ATP6V1A: variants seen among roughly 807,000 people sequenced by gnomAD.
ATP6V1A encodes the protein V-type proton ATPase catalytic subunit A.
Under a neutral mutation model 70.1 loss-of-function variants are expected in ATP6V1A, and 18 were observed. That is an observed-to-expected ratio of 0.26 (90% confidence interval 0.18 to 0.38). The LOEUF (loss-of-function observed/expected upper bound fraction) is 0.38. Among genes scored for constraint, ATP6V1A ranks in the 10% least tolerant of loss-of-function variants. The pLI is 1.00. For synonymous variants in ATP6V1A, 232 were observed against 253.8 expected (o/e 0.91, Z 0.82); for missense variants, 424 against 772.4 (o/e 0.55, Z 5.35).
At chr3:113,801,294 TAAG>T (rs1235282997) in intron 12 of ATP6V1A, 2 of 152,154 alleles carry the variant, frequency 1.3e-5, no homozygotes, top group East Asian at 3.9e-4. Context: ...TGTAAGTTAA[TAAG>T]AAGACTCGAA....
rs185433786 is a variant in ATP6V1A at position 113,798,536 on chromosome 3, G to A, written c.1494+90G>A. 13 of 1,092,274 alleles carry A rather than the reference G, an allele frequency of 1.2e-5. No homozygotes were observed. The East Asian group carries it at 3.4e-4, about 28-fold the overall frequency. The allele number at this position is 1,092,274 out of a possible 1,614,324, so 67.7% of individuals were successfully genotyped here. ...AGAGCCTTGGATATTACAGATTCTTGCCTAGCAAAATAAATATTTATTAAA... is the reference window on the plus strand; with the variant it reads ...AGAGCCTTGGATATTACAGATTCTTACCTAGCAAAATAAATATTTATTAAA... On this transcript the variant is annotated intron_variant, in intron 12 of 14. Transcript: ENST00000273398.
intron 8 of ATP6V1A, among the ~76,000 whole-genome samples, chr3:113,792,140 A>G (rs1709101511): frequency 6.6e-6 from 1 of 152,176 alleles, no homozygotes; most frequent in African/African-American, 2.4e-5. Flanking sequence ...TTCATCTACC[A>G]TTTTAAGAAA....
intron 8 of ATP6V1A, among the ~76,000 whole-genome samples, chr3:113,790,302 C>CAAAA (rs773821991): frequency 4.1e-5 from 1 of 24,506 alleles, no homozygotes; most frequent in East Asian, 1.6e-3. Context: ...GACTCTGTCT[C>CAAAA]AAAAAAAAAA....
chr3:113,756,157 A>G (rs750661101), intron 1 of ATP6V1A, among the ~76,000 whole-genome samples: 1 of 152,210 alleles, frequency 6.6e-6, no homozygotes, highest in Non-Finnish European at 1.5e-5. Flanking sequence ...CACACAGTTT[A>G]TAAGTGGTAG....
intron 1 of ATP6V1A, among the ~76,000 whole-genome samples, chr3:113,768,263 G>T (rs1230167565): frequency 6.6e-6 from 1 of 152,106 alleles, no homozygotes; most frequent in African/African-American, 2.4e-5. Flanking sequence ...TTTCATTGTA[G>T]TCCACCTTAG....
chr3:113,806,706 C>T (rs1295392026), intron 14 of ATP6V1A, among the ~76,000 whole-genome samples: 1 of 152,068 alleles, frequency 6.6e-6, no homozygotes, highest in Non-Finnish European at 1.5e-5. Context: ...GTGATCTACC[C>T]GCCTCGGCCT....
intron 1 of ATP6V1A, among the ~76,000 whole-genome samples, chr3:113,770,912 G>A (rs1334571783): frequency 6.6e-6 from 1 of 151,886 alleles, no homozygotes; most frequent in African/African-American, 2.4e-5. Flanking sequence ...GGCCAATAAG[G>A]TGAAACCCCG....
chr3:113,784,114 G>T (rs1709012031), intron 3 of ATP6V1A, 110 bp from the exon 4 acceptor site: 21 of 1,024,402 alleles, frequency 2.0e-5, no homozygotes, highest in Non-Finnish European at 3.0e-5. Context: ...GAAAGTTTGG[G>T]AACTTCCGTT....
chr3:113,760,937 C>T (rs564861099), intron 1 of ATP6V1A, among the ~76,000 whole-genome samples: 1 of 151,856 alleles, frequency 6.6e-6, no homozygotes, highest in East Asian at 1.9e-4. Flanking sequence ...CATGGTGGCA[C>T]ACACCTGCGG....
At position 113,803,632 on chromosome 3, in the gene ATP6V1A, T is replaced by C; in HGVS notation, c.1544T>C (p.Ile515Thr). 3 of 1,612,350 alleles carry C rather than the reference T, an allele frequency of 1.9e-6. No individual in the cohort carries two copies. Among genetic ancestry groups the C allele is most frequent in the Non-Finnish European group, 2.5e-6 (3 of 1,178,654 alleles). ...ATCACTCTGGAGGTAGCAAAACTTATCAAAGATGATTTCCTACAACAAAAT... is the reference window on the plus strand; with the variant it reads ...ATCACTCTGGAGGTAGCAAAACTTACCAAAGATGATTTCCTACAACAAAAT... Reference protein sequence around the residue: ...DKITLEVAKLIKDDFLQQNGY... With the variant: ...DKITLEVAKLTKDDFLQQNGY... The change falls in exon 13 of 15, where the codon ATC becomes ACC. Residue 515 changes from isoleucine (I) to threonine (T), a missense_variant. Coordinates refer to ENST00000273398, the MANE Select transcript of ATP6V1A (RefSeq NM_001690.4).
Position 113,778,840 on chromosome 3 carries a change from G to C in ATP6V1A, c.82+5G>C, listed in dbSNP as rs200823906. The stretch of plus-strand genomic sequence containing the variant: ...TGCATGGGGTCTCAGGACCTGGTAA[G>C]TAATACATCATAATCTCAAAATAAG... On this transcript the variant is annotated splice_donor_5th_base_variant and intron_variant, in intron 2 of 14. Transcript: ENST00000273398. 6.5e-7 allele frequency: 1 copy of C among 1,530,414 alleles called. No homozygotes were observed. Among genetic ancestry groups the C allele is most frequent in the Admixed American group, 2.1e-5 (1 of 47,632 alleles). The allele number at this position is 1,530,414 out of a possible 1,614,324, so 94.8% of individuals were successfully genotyped here. A position where few individuals can be genotyped will look rare whatever the true frequency, so the allele number is the denominator to read the frequency against.
In ATP6V1A at chr3:113,786,588, C is replaced by G. The variant is rs543423441; in HGVS notation, c.716+205C>G. ...GAAGATTTACTTTTTTCATGGTTGC[C>G]CCCAGAAAGCATTATTTCTGAAACT... On this transcript the variant is annotated intron_variant, in intron 6 of 14. Transcript: ENST00000273398. 5.9e-5 allele frequency among the ~76,000 whole-genome samples: 9 copies of G among 151,898 alleles called. No individual in the cohort carries two copies. The East Asian group carries it at 1.4e-3, about 23-fold the overall frequency.
intron 1 of ATP6V1A, chr3:113,747,473 A>G (rs926072358): frequency 1.3e-5 from 2 of 152,252 alleles, no homozygotes; most frequent in African/African-American, 4.8e-5. Flanking sequence ...AAAGGTCCTC[A>G]CTGTCCTTAC....
chr3:113,767,711 G>A (rs1329908228), intron 1 of ATP6V1A, among the ~76,000 whole-genome samples: 1 of 151,996 alleles, frequency 6.6e-6, no homozygotes, highest in East Asian at 1.9e-4. Flanking sequence ...GAGTGCAGTG[G>A]CTCAATCTCA....
At chr3:113,790,868 T>A (rs1305260370) in intron 8 of ATP6V1A, among the ~76,000 whole-genome samples, 2 of 152,192 alleles carry the variant, frequency 1.3e-5, no homozygotes, top group Non-Finnish European at 2.9e-5. Flanking sequence ...ATAAAATTCT[T>A]GATCAATATT....
intron 1 of ATP6V1A, among the ~76,000 whole-genome samples, chr3:113,771,556 G>C (rs1708841339): frequency 6.7e-6 from 1 of 149,192 alleles, no homozygotes; most frequent in South Asian, 2.1e-4. Flanking sequence ...TCCTGCCTCA[G>C]CCTCCTGAAT....
At chr3:113,767,272 A>T (rs1383185474) in intron 1 of ATP6V1A, among the ~76,000 whole-genome samples, 1 of 151,776 alleles carries the variant, frequency 6.6e-6, no homozygotes, top group Non-Finnish European at 1.5e-5. Flanking sequence ...TGGTATTTTT[A>T]GTAGAGACCA....
chr3:113,807,106 A>T (rs1318700454), intron 14 of ATP6V1A, among the ~76,000 whole-genome samples: 2 of 152,024 alleles, frequency 1.3e-5, no homozygotes, highest in Non-Finnish European at 2.9e-5. Context: ...TCACCTTGAG[A>T]TAAATAAACA....
In ATP6V1A at chr3:113,809,473, C is replaced by T. The variant is rs1709316735; in HGVS notation, c.*46C>T. 1 of 1,537,804 alleles carries T rather than the reference C, an allele frequency of 6.5e-7. No homozygotes were observed. Among genetic ancestry groups the T allele is most frequent in the African/African-American group, 1.4e-5 (1 of 72,590 alleles). Reference sequence around the variant, plus strand: ...GTGATTTCCTTTTCCTCAGCAAGCTCCTATGTGTATATTTTCCTGAATTTC... The same window carrying T: ...GTGATTTCCTTTTCCTCAGCAAGCTTCTATGTGTATATTTTCCTGAATTTC... On this transcript the variant is annotated 3_prime_UTR_variant, in exon 15 of 15. Coordinates refer to ENST00000273398, the MANE Select transcript of ATP6V1A (RefSeq NM_001690.4).
Sources: allele counts gnomAD v4.1 joint callset (sites outside exome capture counted in the v4.1 genomes callset), GRCh38; gene constraint gnomAD v4.1.1; transcripts MANE v1.5; gene names NCBI Gene and HGNC (gene_info 2026-07-23, HGNC 2026-07-21).